Variants in LRRC37A2 observed in about 807,000 individuals in gnomAD.
The protein encoded by LRRC37A2 is leucine-rich repeat-containing protein 37A2.
A neutral mutation model predicts 68.8 loss-of-function variants in LRRC37A2; 9 were observed. The ratio of observed to expected loss-of-function variants is 0.13; its 90% CI spans 0.08 to 0.23. The LOEUF (loss-of-function observed/expected upper bound fraction) is 0.23. Ranked by LOEUF, LRRC37A2 falls within the 10% of genes least tolerant of loss-of-function variation. LRRC37A2 has a pLI of 1.00. For missense variants in LRRC37A2, 168 were observed against 950.4 expected (o/e 0.18, Z 10.82); for synonymous variants, 63 against 367.6 (o/e 0.17, Z 9.48).
At chr17:46,870,816 C>T in the LRRC37A2 span, among the ~76,000 whole-genome samples, 1 of 151,784 alleles carries the variant, frequency 6.6e-6, no homozygotes, top group African/African-American at 2.4e-5. Context: ...GACCACAGGA[C>T]TTACCTTGGC....
the LRRC37A2 span, chr17:46,726,677 T>TA: frequency 3.6e-6 from 5 of 1,405,500 alleles, no homozygotes; most frequent in Admixed American, 8.4e-5. Flanking sequence ...TCTCAAAAGT[T>TA]ACAAGAGAAA....
At chr17:46,996,464 G>A in the LRRC37A2 span, among the ~76,000 whole-genome samples, 6 of 152,162 alleles carry the variant, frequency 3.9e-5, no homozygotes, top group African/African-American at 1.4e-4. Context: ...AAGTCTGGAT[G>A]AGTCACTACA....
the LRRC37A2 span, among the ~76,000 whole-genome samples, chr17:46,781,394 C>G: frequency 1.3e-5 from 2 of 148,516 alleles, no homozygotes. Flanking sequence ...GCTTAGGCAA[C>G]AGAGTAAGAC....
At chr17:47,045,076 C>T in the LRRC37A2 span, among the ~76,000 whole-genome samples, 12 of 134,130 alleles carry the variant, frequency 8.9e-5, no homozygotes, top group Admixed American at 5.6e-4. Context: ...TGCTGGGTTA[C>T]GGTTCCGGGT....
the LRRC37A2 span, among the ~76,000 whole-genome samples, chr17:47,043,475 G>A: frequency 6.8e-6 from 1 of 147,734 alleles, no homozygotes; most frequent in Non-Finnish European, 1.5e-5. Flanking sequence ...CTCCAGCCCG[G>A]GCGACAGAGT....
chr17:46,931,013 A>G, the LRRC37A2 span: 1 of 790,146 alleles, frequency 1.3e-6, no homozygotes, highest in South Asian at 1.4e-5. Flanking sequence ...TTTATTGGAT[A>G]TTGAAAAAAA....
At chr17:46,778,550 G>C in the LRRC37A2 span, among the ~76,000 whole-genome samples, 1 of 151,800 alleles carries the variant, frequency 6.6e-6, no homozygotes, top group Non-Finnish European at 1.5e-5. Flanking sequence ...CCTCCTGCCC[G>C]CACACTGCTG....
chr17:46,950,712 G>C, the LRRC37A2 span, among the ~76,000 whole-genome samples: 1 of 152,146 alleles, frequency 6.6e-6, no homozygotes, highest in Non-Finnish European at 1.5e-5. Flanking sequence ...GGCTTGAGAG[G>C]GCAGGGACTG....
At chr17:46,969,118 C>T in the LRRC37A2 span, among the ~76,000 whole-genome samples, 7 of 152,324 alleles carry the variant, frequency 4.6e-5, no homozygotes, top group South Asian at 2.1e-4. Context: ...AAGCGGAAGC[C>T]GATCTCGCTC....
the LRRC37A2 span, among the ~76,000 whole-genome samples, chr17:46,621,385 C>T: frequency 6.1e-5 from 8 of 131,206 alleles, no homozygotes; most frequent in Admixed American, 4.7e-4. Flanking sequence ...CTCCCGGGCT[C>T]ACGCCTTTCT....
chr17:46,595,263 A>G, the LRRC37A2 span, among the ~76,000 whole-genome samples: 1 of 34,306 alleles, frequency 2.9e-5, no homozygotes, highest in Non-Finnish European at 4.2e-5. Context: ...CTGATTGTCT[A>G]TCATTTCTTC....
chr17:47,018,513 C>T, the LRRC37A2 span: 1 of 1,521,418 alleles, frequency 6.6e-7, no homozygotes, highest in Non-Finnish European at 9.1e-7. Context: ...GGCTACAGCT[C>T]AGCTCTCAGG....
chr17:47,033,154 T>C, the LRRC37A2 span: 4 of 590,308 alleles, frequency 6.8e-6, no homozygotes, highest in Non-Finnish European at 5.9e-6. Flanking sequence ...GAGGTGGAGT[T>C]TGCAGTGAGC....
At chr17:46,831,003 G>A in the LRRC37A2 span, 1 of 375,826 alleles carries the variant, frequency 2.7e-6, no homozygotes, top group Admixed American at 4.5e-5. Flanking sequence ...TTGAAAATGA[G>A]TAAATCTAAA....
At chr17:46,494,006 G>A in the LRRC37A2 span, among the ~76,000 whole-genome samples, 1 of 150,472 alleles carries the variant, frequency 6.6e-6, no homozygotes, top group Admixed American at 6.6e-5. Context: ...CACCATGTGT[G>A]GCTAATTTTT....
At chr17:46,806,741 C>CA in the LRRC37A2 span, among the ~76,000 whole-genome samples, 1 of 152,224 alleles carries the variant, frequency 6.6e-6, no homozygotes, top group African/African-American at 2.4e-5. Flanking sequence ...ATGTGTTGCC[C>CA]AAGGGCAGAA....
chr17:47,017,753 A>T, the LRRC37A2 span: 9 of 1,610,660 alleles, frequency 5.6e-6, no homozygotes, highest in Admixed American at 1.5e-4. Flanking sequence ...ATTCCAGTAC[A>T]GATACACCGT....
chr17:47,017,835 C>T, the LRRC37A2 span: 2 of 1,610,518 alleles, frequency 1.2e-6, no homozygotes, highest in Non-Finnish European at 1.7e-6. Context: ...GCAAGTTGGA[C>T]CTTCTCAATT....
the LRRC37A2 span, among the ~76,000 whole-genome samples, chr17:46,835,086 C>T: frequency 3.9e-5 from 6 of 152,344 alleles, no homozygotes; most frequent in East Asian, 1.2e-3. Context: ...CCTCCATCTC[C>T]TGGGGTCAAG....
Sources: allele counts gnomAD v4.1 joint callset (sites outside exome capture counted in the v4.1 genomes callset), GRCh38; gene constraint gnomAD v4.1.1; transcripts MANE v1.5; gene names NCBI Gene and HGNC (gene_info 2026-07-23, HGNC 2026-07-21).